Variants in KY observed in about 807,000 individuals in gnomAD.
KY encodes kyphoscoliosis peptidase.
Under a neutral mutation model 76.1 loss-of-function variants are expected in KY, and 43 were observed. That is an observed-to-expected ratio of 0.57 (90% CI 0.44 to 0.73). The LOEUF (loss-of-function observed/expected upper bound fraction) is 0.73, where lower values mean the gene tolerates loss of function less well. Among genes scored for constraint, KY ranks in the 30% least tolerant of loss-of-function variants. KY has a pLI of 0.00. For missense variants in KY, 722 were observed against 828.9 expected, an observed-to-expected ratio of 0.87 and a Z score of 1.58; for synonymous variants, 277 against 326.2, an observed-to-expected ratio of 0.85 and a Z score of 1.63.
At position 134,600,582 on chromosome 3, in the gene KY, C is replaced by A. The variant is rs1958919870; in HGVS notation, c.*2997G>T. ...TGTACTGAAGTTGTGGTTGTAGTGC[C>A]TCTGCCCACCACTCCTCCACCCTCG... On this transcript the variant is annotated 3_prime_UTR_variant, in exon 11 of 11. Transcript: ENST00000423778. 1.3e-5 allele frequency among the ~76,000 whole-genome samples: 2 copies of A among 152,134 alleles called. No individual in the cohort carries two copies. The highest frequency in any genetic ancestry group is 2.1e-4 in the South Asian group (1 of 4,822).
rs1281598506 is a variant in KY, at chr3:134,602,952, G to T, written c.*627C>A. On this transcript the variant is annotated 3_prime_UTR_variant, in exon 11 of 11. Transcript: ENST00000423778. ...GTTGGAGACGATCAGCTTCCAGCCAGTTGTGGGTCAGCTGGCTTCCTCACC... is the reference window on the plus strand; with the variant it reads ...GTTGGAGACGATCAGCTTCCAGCCATTTGTGGGTCAGCTGGCTTCCTCACC... Among the ~76,000 whole-genome samples, 1 of 152,226 alleles carries T rather than the reference G, an allele frequency of 6.6e-6. No homozygotes were observed. The highest frequency in any genetic ancestry group is 1.5e-5 in the Non-Finnish European group (1 of 68,044).
At chr3:134,624,342 A>T (rs1045382773) in intron 6 of KY, among the ~76,000 whole-genome samples, 5 of 152,164 alleles carry the variant, frequency 3.3e-5, no homozygotes, top group Admixed American at 2.6e-4. Context: ...TTTGCTTCTC[A>T]TCTGGCTTTC....
chr3:134,625,481 GT>G (rs1423102820), intron 5 of KY, among the ~76,000 whole-genome samples: 1 of 152,194 alleles, frequency 6.6e-6, no homozygotes, highest in African/African-American at 2.4e-5. Context: ...CCACCATTTG[GT>G]TTTCCGTGGA....
chr3:134,646,404 G>C (rs1478101463), intron 2 of KY, among the ~76,000 whole-genome samples: 1 of 152,140 alleles, frequency 6.6e-6, no homozygotes, highest in African/African-American at 2.4e-5. Context: ...ACTCCAGGGT[G>C]TTGAGACTCC....
intron 5 of KY, 27 bp downstream of exon 5, chr3:134,627,729 A>G: frequency 6.2e-7 from 1 of 1,607,366 alleles, no homozygotes. Context: ...TCTCTTGAGA[A>G]TTGTCCTGGA....
intron 10 of KY, among the ~76,000 whole-genome samples, chr3:134,606,447 C>A (rs1321279835): frequency 6.6e-6 from 1 of 152,184 alleles, no homozygotes; most frequent in East Asian, 1.9e-4. Flanking sequence ...CCCACCACTT[C>A]CCCCAAACCT....
chr3:134,619,718 A>G (rs1422274672), intron 7 of KY, among the ~76,000 whole-genome samples: 1 of 152,244 alleles, frequency 6.6e-6, no homozygotes, highest in African/African-American at 2.4e-5. Context: ...GGGGATGAAG[A>G]CATTGCAAAG....
chr3:134,610,201 G>A lies in KY; in HGVS notation c.893C>T (p.Thr298Ile). ...GLVDTITSKF[T>I]FLYNEFYFLT... ...AACTGAGACAAGTACTTACAGGAAG[G>A]TGAATTTGGAGGTGATGGTGTCCAC... Residue 298 changes from threonine to isoleucine, a missense_variant, in exon 9 of 11, where the codon ACC becomes ATC. Thr to Ile is a moderately conservative substitution (Grantham distance 89, BLOSUM62 -1). Transcript: ENST00000423778. 6.2e-7 allele frequency: 1 copy of A among 1,612,226 alleles called. No homozygotes were observed. The highest frequency in any genetic ancestry group is 8.5e-7 in the Non-Finnish European group (1 of 1,179,056).
intron 10 of KY, chr3:134,607,437 C>CTAA: frequency 3.0e-6 from 3 of 985,604 alleles, no homozygotes; most frequent in Non-Finnish European, 1.2e-6. Flanking sequence ...GCACCCTGTG[C>CTAA]TAATAGTCAG....
Position 134,602,533 on chromosome 3 carries a change from T to C in KY, c.*1046A>G, listed in dbSNP as rs1430449402. Among the ~76,000 whole-genome samples the C allele has an allele frequency of 1.3e-5, 2 of 152,146 alleles. No homozygotes were observed. Among genetic ancestry groups the C allele is most frequent in the Non-Finnish European group, 2.9e-5 (2 of 67,996 alleles). Reference sequence around the variant, plus strand: ...GCCCTGGCTTTGCTGGTAGAGACACTGGGGGCAGGCAGAGCCCTGTTAAAG... The same window carrying C: ...GCCCTGGCTTTGCTGGTAGAGACACCGGGGGCAGGCAGAGCCCTGTTAAAG... On this transcript the variant is annotated 3_prime_UTR_variant, in exon 11 of 11. Transcript: ENST00000423778.
intron 1 of KY, 109 bp from the exon 2 acceptor site, chr3:134,647,606 G>A: frequency 1.6e-6 from 1 of 639,598 alleles, no homozygotes; most frequent in Non-Finnish European, 2.8e-6. Flanking sequence ...TGGCTCTCTT[G>A]GAATCTGAGA....
intron 8 of KY, among the ~76,000 whole-genome samples, chr3:134,614,362 A>T (rs559128820): frequency 2.0e-5 from 3 of 152,070 alleles, no homozygotes; most frequent in Non-Finnish European, 4.4e-5. Flanking sequence ...TTGCCTCCAT[A>T]GCTCATGGCT....
chr3:134,630,859 A>C (rs1964117922), intron 3 of KY, among the ~76,000 whole-genome samples: 1 of 152,226 alleles, frequency 6.6e-6, no homozygotes, highest in Non-Finnish European at 1.5e-5. Context: ...AGTAATAGCA[A>C]ACAGTTTTGA....
At chr3:134,635,166 G>A (rs993840913) in intron 3 of KY, among the ~76,000 whole-genome samples, 3 of 152,200 alleles carry the variant, frequency 2.0e-5, no homozygotes, top group African/African-American at 4.8e-5. Context: ...CCTTCAATGA[G>A]TGAATGGATA....
chr3:134,643,779 C>A (rs1966074315), intron 2 of KY, among the ~76,000 whole-genome samples: 1 of 151,994 alleles, frequency 6.6e-6, no homozygotes, highest in African/African-American at 2.4e-5. Context: ...GAGGTTCTGA[C>A]CTGGGACTTG....
chr3:134,603,867 G>T lies in KY; in HGVS notation c.1698C>A (p.Pro566=). The T allele has an allele frequency of 6.2e-7, 1 of 1,614,008 alleles. No individual in the cohort carries two copies. The highest frequency in any genetic ancestry group is 8.5e-7 in the Non-Finnish European group (1 of 1,179,894). ...AGTTGCCAAAGCTCTCAGGGAACATGGGCCAGTTCACCTTGGTGTTGGCAC... is the reference window on the plus strand; with the variant it reads ...AGTTGCCAAAGCTCTCAGGGAACATTGGCCAGTTCACCTTGGTGTTGGCAC... ...VCCANTKVNW[P]MFPESFGNWG... The change falls in exon 11 of 11, where the codon CCC becomes CCA. Residue 566 remains proline (P), a synonymous_variant. Transcript: ENST00000423778.
At chr3:134,643,248 G>T in intron 3 of KY, 68 bp downstream of exon 3, 3 of 1,486,886 alleles carry the variant, frequency 2.0e-6, no homozygotes, top group African/African-American at 1.4e-5. Flanking sequence ...CTGGGCTGTC[G>T]CTGGCCAGAG....
In KY at chr3:134,604,290, G is replaced by A. The variant is rs1959098989; in HGVS notation, c.1275C>T (p.Tyr425=). Reference sequence around the variant, plus strand: ...TGAGCGTGTACTCCAGCACTGAGCTGTAGATGTCGGAGTTGCCCTTGGCAA... The same window carrying A: ...TGAGCGTGTACTCCAGCACTGAGCTATAGATGTCGGAGTTGCCCTTGGCAA... ...QIFAKGNSDI[Y]SSVLEYTLKC... is the part of the protein sequence containing the mutation. Residue 425 remains tyrosine, a synonymous_variant, in exon 11 of 11, where the codon TAC becomes TAT. Coordinates refer to ENST00000423778, the MANE Select transcript of KY (RefSeq NM_178554.6). 2 of 1,613,880 alleles carry A rather than the reference G, an allele frequency of 1.2e-6. No individual in the cohort carries two copies. The highest frequency in any genetic ancestry group is 1.7e-6 in the Non-Finnish European group (2 of 1,179,898).
At chr3:134,641,225 G>A (rs1965719317) in intron 3 of KY, 1 of 152,178 alleles carries the variant, frequency 6.6e-6, no homozygotes, top group Admixed American at 6.5e-5. Flanking sequence ...ATTGTCCCCT[G>A]GGATAGGCTG....
Sources: gnomAD v4.1 joint callset for allele counts (sites outside exome capture counted in the v4.1 genomes callset) on GRCh38, gnomAD v4.1.1 for gene constraint, MANE v1.5 for transcripts, NCBI Gene and HGNC (gene_info 2026-07-23, HGNC 2026-07-21) for gene names.